The following BICC1 variants were observed in gnomAD, a reference collection of about 807,000 sequenced individuals.
BICC1 encodes protein bicaudal C homolog 1.
Under a neutral mutation model 111.0 loss-of-function variants are expected in BICC1, and 43 were observed. The ratio of observed to expected loss-of-function variants is 0.39; its 90% CI spans 0.30 to 0.50. The LOEUF is 0.50. BICC1 is among the 20% of genes least tolerant of loss of function. BICC1 has a pLI of 0.88. For synonymous variants in BICC1, 467 were observed against 434.4 expected (o/e 1.07, Z -0.93); for missense variants, 1,091 against 1,203.2 (o/e 0.91, Z 1.38).
chr10:58,781,095 T>C (rs1478891052), intron 3 of BICC1, among the ~76,000 whole-genome samples: 1 of 152,184 alleles, frequency 6.6e-6, no homozygotes, highest in East Asian at 1.9e-4. Context: ...GGTCACTTTC[T>C]CTTCATTAGG....
intron 1 of BICC1, among the ~76,000 whole-genome samples, chr10:58,533,896 T>C (rs564316754): frequency 1.3e-5 from 2 of 151,840 alleles, no homozygotes; most frequent in Admixed American, 1.3e-4. Flanking sequence ...CAGAACACAA[T>C]TAAATGATAA....
intron 3 of BICC1, among the ~76,000 whole-genome samples, chr10:58,783,866 C>T (rs1395759822): frequency 2.0e-5 from 3 of 152,122 alleles, no homozygotes; most frequent in Non-Finnish European, 4.4e-5. Flanking sequence ...TGATCTTGAT[C>T]TGTGTCAAAG....
intron 1 of BICC1, among the ~76,000 whole-genome samples, chr10:58,543,833 TAA>T (rs11393752): frequency 1.2e-3 from 161 of 134,952 alleles, no homozygotes; most frequent in East Asian, 1.7e-3. Context: ...TAACCATAAT[TAA>T]AAAAAAAAAA....
chr10:58,571,176 G>C (rs1843938072), intron 1 of BICC1, among the ~76,000 whole-genome samples: 1 of 152,134 alleles, frequency 6.6e-6, no homozygotes, highest in Non-Finnish European at 1.5e-5. Context: ...GTTCTGAATG[G>C]TGTCCTAAGA....
intron 2 of BICC1, among the ~76,000 whole-genome samples, chr10:58,680,055 T>C (rs888298452): frequency 2.6e-5 from 4 of 152,150 alleles, no homozygotes; most frequent in African/African-American, 9.7e-5. Flanking sequence ...AATGAGCTAT[T>C]TATGACAAAC....
At chr10:58,705,534 A>G (rs1840362582) in intron 3 of BICC1, among the ~76,000 whole-genome samples, 1 of 151,950 alleles carries the variant, frequency 6.6e-6, no homozygotes, top group Non-Finnish European at 1.5e-5. Flanking sequence ...CTTTCTTATC[A>G]TCTCACTTTT....
intron 1 of BICC1, among the ~76,000 whole-genome samples, chr10:58,595,687 C>T (rs1305193142): frequency 6.6e-6 from 1 of 152,092 alleles, no homozygotes; most frequent in Non-Finnish European, 1.5e-5. Context: ...ACGCAACATA[C>T]CAGAATCTCT....
intron 3 of BICC1, among the ~76,000 whole-genome samples, chr10:58,750,874 T>C (rs982467044): frequency 3.3e-5 from 5 of 152,204 alleles, no homozygotes; most frequent in Admixed American, 6.5e-5. Flanking sequence ...AATATTTTCT[T>C]ACCTGAAGGG....
chr10:58,684,498 C>G (rs1243428859), intron 2 of BICC1, among the ~76,000 whole-genome samples: 3 of 152,174 alleles, frequency 2.0e-5, no homozygotes, highest in Admixed American at 2.0e-4. Context: ...GTGAATCCAT[C>G]TAGTCTTGGA....
chr10:58,664,755 T>TA (rs1196334449), intron 2 of BICC1, among the ~76,000 whole-genome samples: 1 of 152,142 alleles, frequency 6.6e-6, no homozygotes, highest in Non-Finnish European at 1.5e-5. Context: ...TATTGTGTGT[T>TA]AAAGAGCAAT....
At chr10:58,721,911 C>T (rs1840951538) in intron 3 of BICC1, among the ~76,000 whole-genome samples, 1 of 152,120 alleles carries the variant, frequency 6.6e-6, no homozygotes, top group South Asian at 2.1e-4. Context: ...TTTCTGTCAG[C>T]TTGTACTCTC....
At chr10:58,768,929 G>A (rs1382801180) in intron 3 of BICC1, among the ~76,000 whole-genome samples, 1 of 152,054 alleles carries the variant, frequency 6.6e-6, no homozygotes, top group East Asian at 1.9e-4. Context: ...AATGGCAATA[G>A]TAAGTCCACA....
intron 1 of BICC1, among the ~76,000 whole-genome samples, chr10:58,607,109 G>C (rs1028745793): frequency 4.6e-5 from 7 of 152,068 alleles, no homozygotes; most frequent in Admixed American, 3.9e-4. Context: ...CTGCGGTTGG[G>C]AGTTTGCGAC....
chr10:58,625,639 G>A, intron 2 of BICC1, among the ~76,000 whole-genome samples: 1 of 152,116 alleles, frequency 6.6e-6, no homozygotes, highest in Non-Finnish European at 1.5e-5. Flanking sequence ...AGATATTGAT[G>A]GCTTATGTGG....
chr10:58,684,136 ATGGTTTTTCTCTT>A (rs532130929), intron 2 of BICC1, among the ~76,000 whole-genome samples: 278 of 152,040 alleles, frequency 1.8e-3, no homozygotes, highest in Non-Finnish European at 3.2e-3. Flanking sequence ...AGATAATCGT[ATGGTTTTTCTCTT>A]TGGTTTTGTT....
chr10:58,552,332 T>TTTTA (rs1361312438), intron 1 of BICC1, among the ~76,000 whole-genome samples: 1 of 151,986 alleles, frequency 6.6e-6, no homozygotes, highest in East Asian at 1.9e-4. Flanking sequence ...TTTTTTATTA[T>TTTTA]TTTATTTATT....
At chr10:58,551,057 C>T (rs1843283295) in intron 1 of BICC1, among the ~76,000 whole-genome samples, 1 of 152,144 alleles carries the variant, frequency 6.6e-6, no homozygotes, top group Non-Finnish European at 1.5e-5. Context: ...GTAAATACAA[C>T]CTCTTTCTGA....
At chr10:58,571,987 G>T (rs544032438) in intron 1 of BICC1, among the ~76,000 whole-genome samples, 2 of 152,110 alleles carry the variant, frequency 1.3e-5, no homozygotes, top group South Asian at 2.1e-4. Context: ...CCACAATCTC[G>T]CAAGCATCTT....
rs970288008 is a variant in BICC1 at position 58,519,557 on chromosome 10, A to G, written c.190+6224A>G. ...TTGGACTGTGCTGATAATCTGTAGG[A>G]ACTTATGTTATTCAGTAACATTATA... On this transcript the variant is annotated intron_variant, in intron 1 of 20. Coordinates refer to ENST00000373886, the MANE Select transcript of BICC1 (RefSeq NM_001080512.3). Among the ~76,000 whole-genome samples, 26 of 152,290 alleles carry G rather than the reference A, an allele frequency of 1.7e-4. 1 individual carries two copies. The highest frequency in any genetic ancestry group is 3.4e-4 in the Non-Finnish European group (23 of 68,018).
Sources: allele counts gnomAD v4.1 joint callset (sites outside exome capture counted in the v4.1 genomes callset), GRCh38; gene constraint gnomAD v4.1.1; transcripts MANE v1.5; gene names NCBI Gene and HGNC (gene_info 2026-07-23, HGNC 2026-07-21).